The following NAALADL2 variants were observed in gnomAD, a reference collection of about 807,000 sequenced individuals.
The protein encoded by NAALADL2 is N-acetylated alpha-linked acidic dipeptidase like 2, also known as inactive N-acetylated-alpha-linked acidic dipeptidase-like protein 2.
Under a neutral mutation model 87.2 loss-of-function variants are expected in NAALADL2, and 76 were observed. The ratio of observed to expected loss-of-function variants is 0.87; its 90% CI spans 0.72 to 1.05. The LOEUF (loss-of-function observed/expected upper bound fraction) is 1.05. Ranked by LOEUF, NAALADL2 falls within the 50% of genes least tolerant of loss-of-function variation. The probability of loss-of-function intolerance (pLI) is 0.00; values close to 1 mark genes in which losing one functional copy is unlikely to be tolerated. For missense variants in NAALADL2, 1,089 were observed against 945.8 expected, an observed-to-expected ratio of 1.15 and a Z score of -1.99; for synonymous variants, 354 against 331.0, an observed-to-expected ratio of 1.07 and a Z score of -0.75.
At chr3:174,634,984 G>A (rs560613322) in intron 2 of NAALADL2, among the ~76,000 whole-genome samples, 55 of 152,212 alleles carry the variant, frequency 3.6e-4, no homozygotes, top group African/African-American at 1.3e-3. Flanking sequence ...ACTGTTTTGG[G>A]TTTCTCCTGT....
At chr3:174,817,225 G>C (rs111288186) in intron 3 of NAALADL2, among the ~76,000 whole-genome samples, 21 of 152,272 alleles carry the variant, frequency 1.4e-4, no homozygotes, top group African/African-American at 4.3e-4. Flanking sequence ...TTGAAATACT[G>C]AGTTGGTTAT....
intron 3 of NAALADL2, among the ~76,000 whole-genome samples, chr3:174,843,311 C>CT (rs796893287): frequency 1.9e-3 from 283 of 147,168 alleles, no homozygotes; most frequent in African/African-American, 3.3e-3. Context: ...ATAATAGCAA[C>CT]TTTTTTTTTT....
intron 1 of NAALADL2, among the ~76,000 whole-genome samples, chr3:174,460,600 T>A (rs768543104): frequency 2.6e-5 from 4 of 151,996 alleles, no homozygotes; most frequent in Non-Finnish European, 4.4e-5. Context: ...TTCTTTTTTT[T>A]TCTTACGGTT....
At chr3:174,603,258 G>A (rs746736766) in intron 2 of NAALADL2, among the ~76,000 whole-genome samples, 1 of 151,926 alleles carries the variant, frequency 6.6e-6, no homozygotes. Flanking sequence ...TTTGCTGAGA[G>A]ACTTTTTATT....
chr3:175,318,640 T>C (rs1759460517), intron 4 of NAALADL2, among the ~76,000 whole-genome samples: 1 of 152,220 alleles, frequency 6.6e-6, no homozygotes, highest in Non-Finnish European at 1.5e-5. Flanking sequence ...ATATTTTTGT[T>C]GTCTATTGAG....
chr3:174,770,874 T>C lies in NAALADL2; in HGVS notation c.-9+33128T>C, dbSNP rs150820931. 3.0e-3 allele frequency among the ~76,000 whole-genome samples: 456 copies of C among 151,332 alleles called. 2 individuals are homozygous for C. Among genetic ancestry groups the C allele is most frequent in the Non-Finnish European group, 4.9e-3 (330 of 67,788 alleles). On this transcript the variant is annotated intron_variant, in intron 3 of 3. Transcript: ENST00000434257. ...AAAAAAAAAAAGAAAAAAAAAGAAA[T>C]ACGTATTTTTTATTTCAATTGTTTA...
At chr3:174,837,421 C>A (rs1723466831) in intron 3 of NAALADL2, among the ~76,000 whole-genome samples, 1 of 152,152 alleles carries the variant, frequency 6.6e-6, no homozygotes. Context: ...TGGAAAGATA[C>A]AACCTTTTTA....
chr3:175,430,248 C>A (rs937194366), intron 5 of NAALADL2, among the ~76,000 whole-genome samples: 1 of 151,826 alleles, frequency 6.6e-6, no homozygotes, highest in Non-Finnish European at 1.5e-5. Flanking sequence ...AATTAACCTG[C>A]ATATTTTATA....
At position 174,982,462 on chromosome 3, in the gene NAALADL2, A is replaced by G. The variant is rs547003215; in HGVS notation, c.44-114328A>G. 2.6e-3 allele frequency among the ~76,000 whole-genome samples: 403 copies of G among 152,358 alleles called. 2 individuals are homozygous for G. Among genetic ancestry groups the G allele is most frequent in the African/African-American group, 9.2e-3 (384 of 41,588 alleles). On this transcript the variant is annotated intron_variant, in intron 1 of 13. Transcript: ENST00000454872. ...ATTGAAGATTTTGCCACTATGAGTT[A>G]TATATGGAAACAACTATTATTCCAT...
At chr3:174,836,991 C>G (rs1430288879) in intron 3 of NAALADL2, among the ~76,000 whole-genome samples, 1 of 151,960 alleles carries the variant, frequency 6.6e-6, no homozygotes, top group African/African-American at 2.4e-5. Context: ...CTCTGGCATA[C>G]AGCAAAGGTG....
intron 1 of NAALADL2, among the ~76,000 whole-genome samples, chr3:174,534,476 T>G (rs1356114): frequency 0.62 from 94,896 of 151,968 alleles, 29,880 homozygotes; most frequent in South Asian, 0.71. Context: ...CTATCATTCT[T>G]CTCTGCCATC....
At chr3:175,325,746 T>C (rs1182628093) in intron 5 of NAALADL2, among the ~76,000 whole-genome samples, 4 of 152,270 alleles carry the variant, frequency 2.6e-5, no homozygotes, top group East Asian at 3.8e-4. Flanking sequence ...GCCAGAGTTG[T>C]AAGGAGTTTC....
chr3:175,517,557 A>G (rs1017153702), intron 9 of NAALADL2, among the ~76,000 whole-genome samples: 1 of 152,152 alleles, frequency 6.6e-6, no homozygotes, highest in African/African-American at 2.4e-5. Flanking sequence ...AAATTTAAAG[A>G]TTACTACAAT....
rs954778793 is a variant in NAALADL2, at chr3:175,104,991, G to A, written c.545+7700G>A. 5.9e-5 allele frequency among the ~76,000 whole-genome samples: 9 copies of A among 152,156 alleles called. No individual in the cohort carries two copies. In the East Asian group the frequency reaches 7.7e-4, roughly 13 times the overall value. On this transcript the variant is annotated intron_variant, in intron 2 of 13. Coordinates refer to ENST00000454872, the MANE Select transcript of NAALADL2 (RefSeq NM_207015.3). ...TCACAGATCCAAGCTTATGCCCCTC[G>A]CAATCCTTAGGTATTTGGCTAAAGC...
At chr3:175,474,238 A>G (rs1010897141) in intron 9 of NAALADL2, among the ~76,000 whole-genome samples, 1 of 152,202 alleles carries the variant, frequency 6.6e-6, no homozygotes, top group African/African-American at 2.4e-5. Flanking sequence ...TATGTAGATT[A>G]CAAAAGATTT....
intron 2 of NAALADL2, among the ~76,000 whole-genome samples, chr3:174,555,974 CGTGTGTGTGTGT>C (rs66968495): frequency 2.0e-4 from 29 of 142,626 alleles, no homozygotes; most frequent in African/African-American, 5.6e-4. Context: ...CCTTATCCTC[CGTGTGTGTGTGT>C]GTGTGTGTGT....
At chr3:175,475,022 AGTACAC>A (rs946150561) in intron 9 of NAALADL2, among the ~76,000 whole-genome samples, 62 of 144,528 alleles carry the variant, frequency 4.3e-4, no homozygotes, top group African/African-American at 1.6e-3. Flanking sequence ...CAAACATTTA[AGTACAC>A]ACACACACAC....
At chr3:174,527,679 C>G (rs889444846) in intron 1 of NAALADL2, among the ~76,000 whole-genome samples, 2 of 152,018 alleles carry the variant, frequency 1.3e-5, no homozygotes, top group African/African-American at 4.8e-5. Context: ...TTGGGAAAGT[C>G]TAAAGAATCT....
intron 13 of NAALADL2, among the ~76,000 whole-genome samples, chr3:175,760,108 C>T (rs1043757365): frequency 5.9e-5 from 9 of 152,060 alleles, no homozygotes; most frequent in South Asian, 2.1e-4. Context: ...CAATTTAGGA[C>T]GTGATATTTA....
Sources: gnomAD v4.1 joint callset for allele counts (sites outside exome capture counted in the v4.1 genomes callset) on GRCh38, gnomAD v4.1.1 for gene constraint, MANE v1.5 for transcripts, NCBI Gene and HGNC (gene_info 2026-07-23, HGNC 2026-07-21) for gene names.